Variants in MAP3K4 observed in about 807,000 individuals in gnomAD.
MAP3K4 encodes the protein MAP three kinase 1.
A neutral mutation model predicts 185.6 loss-of-function variants in MAP3K4; 67 were observed. That is an observed-to-expected ratio of 0.36 (90% CI 0.30 to 0.44). The LOEUF is 0.44. MAP3K4 is among the 20% of genes least tolerant of loss of function. The pLI is 1.00. For synonymous variants in MAP3K4, 702 were observed against 710.4 expected, an observed-to-expected ratio of 0.99 and a Z score of 0.19; for missense variants, 1,551 against 1,995.1, an observed-to-expected ratio of 0.78 and a Z score of 4.24.
At position 161,074,783 on chromosome 6, in the gene MAP3K4, C is replaced by G. The variant is rs754213658; in HGVS notation, c.2097+1171C>G. Among the ~76,000 whole-genome samples, 54 of 152,186 alleles carry G rather than the reference C, an allele frequency of 3.5e-4. No homozygotes were observed. The highest frequency in any genetic ancestry group is 4.6e-4 in the Admixed American group (7 of 15,286). Reference sequence around the variant, plus strand: ...TTGCTTAACATGTACTGTGTCCTGCCTAAGGATGGCTGCAGCACCTACAGA... The same window carrying G: ...TTGCTTAACATGTACTGTGTCCTGCGTAAGGATGGCTGCAGCACCTACAGA... On this transcript the variant is annotated intron_variant, in intron 5 of 26. Transcript: ENST00000392142. This position sits in a 1 kb window ranked among gnomAD's most constrained non-coding sequence, Gnocchi z 5.0.
rs570282347 is a variant in MAP3K4, at chr6:161,048,749, A to G, written c.477A>G (p.Lys159=). ...ALRTTERDRK[K]NVQCSFMLDS... ...GAACAACAGAGCGTGATCGTAAAAA[A>G]AATGTACAGTGCTCATTCATGTTAG... The change falls in exon 3 of 27, where the codon AAA becomes AAG. Residue 159 remains lysine, a synonymous_variant. Transcript: ENST00000392142. This position sits in a 1 kb window ranked among gnomAD's most constrained non-coding sequence, Gnocchi z 4.7. 1.9e-6 allele frequency: 3 copies of G among 1,614,088 alleles called. No homozygotes were observed. In the South Asian group the frequency reaches 3.3e-5, roughly 18 times the overall value.
Position 160,996,996 on chromosome 6 carries a change from G to A in MAP3K4, c.152+4913G>A, listed in dbSNP as rs1781023904. 1.3e-5 allele frequency among the ~76,000 whole-genome samples: 2 copies of A among 152,088 alleles called. No individual in the cohort carries two copies. The highest frequency in any genetic ancestry group is 2.1e-4 in the South Asian group (1 of 4,828). On this transcript the variant is annotated intron_variant, in intron 1 of 26. Transcript: ENST00000392142. The surrounding 1 kb of genome is among the most constrained non-coding windows in gnomAD (Gnocchi z 4.5). ...TTACTCTTAGGTTTTTATTTTCTAG[G>A]CATCACACAGGCTGCTTTTTTCCCT...
intron 1 of MAP3K4, among the ~76,000 whole-genome samples, chr6:161,003,519 G>T (rs1337265734): frequency 6.6e-6 from 1 of 152,108 alleles, no homozygotes; most frequent in Admixed American, 6.5e-5. Flanking sequence ...TCTCAAAGTT[G>T]TTTAAACATT....
At chr6:161,020,850 C>A (rs968845730) in intron 1 of MAP3K4, among the ~76,000 whole-genome samples, 1 of 152,180 alleles carries the variant, frequency 6.6e-6, no homozygotes, top group African/African-American at 2.4e-5. Flanking sequence ...TTAGACATTT[C>A]TTTTCTAAAA....
chr6:161,070,929 C>G lies in MAP3K4; in HGVS notation c.1950+79C>G. 5 of 1,324,142 alleles carry G rather than the reference C, an allele frequency of 3.8e-6. No homozygotes were observed. In the South Asian group the frequency reaches 6.4e-5, roughly 17 times the overall value. 82.0% of individuals were successfully genotyped at this position (1,324,142 alleles called of 1,614,324 possible). A position where few individuals can be genotyped will look rare whatever the true frequency, so the allele number is the denominator to read the frequency against. On this transcript the variant is annotated intron_variant, in intron 4 of 26. Transcript: ENST00000392142. The surrounding 1 kb of genome is among the most constrained non-coding windows in gnomAD (Gnocchi z 4.5). ...GCTTATCATTTTTATTTTGAGAGTT[C>G]CTTTTTTTTTCTTAATTGTCGCAAA... is the stretch of plus-strand genomic sequence containing the variant.
chr6:161,052,801 C>T (rs1013074200), intron 3 of MAP3K4, among the ~76,000 whole-genome samples: 3 of 151,880 alleles, frequency 2.0e-5, no homozygotes, highest in Non-Finnish European at 4.4e-5. Context: ...TTGTTTTAGT[C>T]GTTTTATTTG....
intron 1 of MAP3K4, among the ~76,000 whole-genome samples, chr6:161,000,348 G>A (rs1781209358): frequency 6.6e-6 from 1 of 152,150 alleles, no homozygotes; most frequent in Admixed American, 6.5e-5. Context: ...GACTGAGTCA[G>A]GAGAACAAGT....
chr6:161,090,517 G>T (rs1272947977), intron 11 of MAP3K4, among the ~76,000 whole-genome samples: 1 of 149,514 alleles, frequency 6.7e-6, no homozygotes, highest in Non-Finnish European at 1.5e-5. Flanking sequence ...TGGTCGTGGA[G>T]GGCTGTCCTG....
rs1318705447 is a variant in MAP3K4, at chr6:161,080,629, T to C, written c.2098-252T>C. On this transcript the variant is annotated intron_variant, in intron 5 of 26. Transcript: ENST00000392142. The surrounding 1 kb of genome is among the most constrained non-coding windows in gnomAD (Gnocchi z 4.8). ...CTTTATTGTAGATTGTGAACATTTT[T>C]GTTGTTAGGATTTTGAAGGGGTTGT... 1 of 424,396 alleles carries C rather than the reference T, an allele frequency of 2.4e-6. No individual in the cohort carries two copies. Among genetic ancestry groups the C allele is most frequent in the African/African-American group, 2.0e-5 (1 of 48,940 alleles). The allele number at this position is 424,396 out of a possible 1,614,324, so 26.3% of individuals were successfully genotyped here.
chr6:161,054,758 T>C lies in MAP3K4; in HGVS notation c.1707+4779T>C, dbSNP rs2114776491. On this transcript the variant is annotated intron_variant, in intron 3 of 26. Coordinates refer to ENST00000392142, the MANE Select transcript of MAP3K4 (RefSeq NM_005922.4). This position sits in a 1 kb window ranked among gnomAD's most constrained non-coding sequence, Gnocchi z 4.2. ...AAAATACTTATCTATAGAAACAGTG[T>C]TGTAAATAAGAGAGTCTCAGATTAT... Among the ~76,000 whole-genome samples, 1 of 152,334 alleles carries C rather than the reference T, an allele frequency of 6.6e-6. No individual in the cohort carries two copies. Among genetic ancestry groups the C allele is most frequent in the East Asian group, 1.9e-4 (1 of 5,184 alleles).
At position 161,093,039 on chromosome 6, in the gene MAP3K4, C is replaced by A. The variant is rs1181582249; in HGVS notation, c.3331C>A (p.Pro1111Thr). The change falls in exon 14 of 27, where the codon CCA becomes ACA. Residue 1111 changes from proline to threonine, a missense_variant. Pro to Thr is a conservative substitution (Grantham distance 38). Coordinates refer to ENST00000392142, the MANE Select transcript of MAP3K4 (RefSeq NM_005922.4). This position sits in a 1 kb window ranked among gnomAD's most constrained non-coding sequence, Gnocchi z 5.2. ...AIEPAFISAL[P>T]EDDFLSLQAL... Reference sequence around the variant, plus strand: ...TGAACCTGCCTTTATTTCAGCTTTACCAGAAGATGACTTCTTGGTATGGAT... The same window carrying A: ...TGAACCTGCCTTTATTTCAGCTTTAACAGAAGATGACTTCTTGGTATGGAT... 1 of 1,612,472 alleles carries A rather than the reference C, an allele frequency of 6.2e-7. No individual in the cohort carries two copies. Among genetic ancestry groups the A allele is most frequent in the South Asian group, 1.1e-5 (1 of 90,984 alleles).
chr6:161,109,975 G>C lies in MAP3K4; in HGVS notation c.4396+61G>C. 1 of 1,562,712 alleles carries C rather than the reference G, an allele frequency of 6.4e-7. No individual in the cohort carries two copies. Among genetic ancestry groups the C allele is most frequent in the East Asian group, 2.2e-5 (1 of 44,510 alleles). ...GCCACTGGTACCCAGCCCGTGGGAG[G>C]TGCTCTGAAGACGCTCATCCCATTC... On this transcript the variant is annotated intron_variant, in intron 23 of 26. Transcript: ENST00000392142. This position sits in a 1 kb window ranked among gnomAD's most constrained non-coding sequence, Gnocchi z 5.7.
chr6:161,057,940 A>G (rs1475891038), intron 3 of MAP3K4, among the ~76,000 whole-genome samples: 1 of 152,260 alleles, frequency 6.6e-6, no homozygotes, highest in Non-Finnish European at 1.5e-5. Context: ...AACTGATGTA[A>G]TATCACAGGT....
rs751360769 is a variant in MAP3K4, at chr6:161,098,365, G to A, written c.3612G>A (p.Arg1204=). ...AAAAAAVAAS[R]PSPSGGDSVL... ...CTGCTGCTGCTGTTGCTGCCAGTCG[G>A]CCCAGCCCCTCTGGTGGTGACTCTG... The change falls in exon 17 of 27, where the codon CGG becomes CGA. Residue 1204 remains arginine (R), a synonymous_variant. Transcript: ENST00000392142. The surrounding 1 kb of genome is among the most constrained non-coding windows in gnomAD (Gnocchi z 4.4). 2 of 1,613,518 alleles carry A rather than the reference G, an allele frequency of 1.2e-6. No individual in the cohort carries two copies. Among genetic ancestry groups the A allele is most frequent in the Admixed American group, 1.7e-5 (1 of 59,988 alleles).
At chr6:161,078,346 G>T (rs1785275093) in intron 5 of MAP3K4, among the ~76,000 whole-genome samples, 1 of 152,212 alleles carries the variant, frequency 6.6e-6, no homozygotes, top group South Asian at 2.1e-4. Context: ...TGAAAAGACA[G>T]TAAGGGGCTG....
At chr6:161,058,490 A>G (rs1784340013) in intron 3 of MAP3K4, among the ~76,000 whole-genome samples, 1 of 152,182 alleles carries the variant, frequency 6.6e-6, no homozygotes. Context: ...GGTAATGTAA[A>G]GGCTATTTGT....
Position 160,992,036 on chromosome 6 carries a change from A to C in MAP3K4, c.105A>C (p.Pro35=), listed in dbSNP as rs1447014977. 1 of 1,571,808 alleles carries C rather than the reference A, an allele frequency of 6.4e-7. No individual in the cohort carries two copies. Among genetic ancestry groups the C allele is most frequent in the Non-Finnish European group, 8.6e-7 (1 of 1,165,846 alleles). ...PPPPPPPPPP[P]PEPETESEPE... ...CACCGCCGCCGCCGCCACCACCGCC[A>C]CCGGAACCCGAGACCGAGTCAGAAC... Residue 35 remains proline (P), a synonymous_variant, in exon 1 of 27, where the codon CCA becomes CCC. Transcript: ENST00000392142.
chr6:161,102,910 T>A (rs564859962), intron 19 of MAP3K4, 131 bp downstream of exon 19: 2 of 597,950 alleles, frequency 3.3e-6, no homozygotes, highest in East Asian at 2.9e-5. Context: ...TATTTTGTGA[T>A]CTCACAGCTC....
intron 1 of MAP3K4, among the ~76,000 whole-genome samples, chr6:161,006,512 A>T (rs1227797972): frequency 6.6e-6 from 1 of 152,240 alleles, no homozygotes; most frequent in Non-Finnish European, 1.5e-5. Context: ...CATAGGTTAT[A>T]TGCAGATATC....
Sources: allele counts gnomAD v4.1 joint callset (sites outside exome capture counted in the v4.1 genomes callset), GRCh38; gene constraint gnomAD v4.1.1; non-coding constraint Gnocchi (gnomAD v3.1); transcripts MANE v1.5; gene names NCBI Gene and HGNC (gene_info 2026-07-23, HGNC 2026-07-21).